The following PSORS1C1 variants were observed in gnomAD, a reference collection of about 807,000 sequenced individuals.
PSORS1C1 encodes the protein psoriasis susceptibility 1 candidate 1.
PSORS1C1 carries 7 observed loss-of-function variants against 9.4 expected under a neutral mutation model. The ratio of observed to expected loss-of-function variants is 0.75; its 90% confidence interval spans 0.42 to 1.40. The LOEUF (loss-of-function observed/expected upper bound fraction) is 1.40, where lower values mean the gene tolerates loss of function less well. Ranked by LOEUF, PSORS1C1 falls within the 40% of genes most tolerant of loss-of-function variation. PSORS1C1 has a pLI of 0.01. For missense variants in PSORS1C1, 146 were observed against 178.1 expected (o/e 0.82, Z 1.02); for synonymous variants, 63 against 69.4 (o/e 0.91, Z 0.46).
chr6:31,122,605 G>A (rs988393322), intron 1 of PSORS1C1, among the ~76,000 whole-genome samples: 26 of 143,894 alleles, frequency 1.8e-4, no homozygotes, highest in Admixed American at 1.7e-3. Flanking sequence ...GCGAAACCCC[G>A]TCTCTACCAA....
At chr6:31,138,190 G>A in intron 3 of PSORS1C1, 3 of 1,578,386 alleles carry the variant, frequency 1.9e-6, no homozygotes, top group South Asian at 2.4e-5. Context: ...AAGAGAGGGG[G>A]TGCCCCTGGC....
chr6:31,126,848 C>T (rs1342693061), intron 2 of PSORS1C1, among the ~76,000 whole-genome samples: 2 of 141,326 alleles, frequency 1.4e-5, no homozygotes, highest in South Asian at 2.4e-4. Context: ...GTAGGGCAGT[C>T]GCTCCCTGGC....
intron 1 of PSORS1C1, chr6:31,116,352 G>C (rs927377928): frequency 6.2e-7 from 1 of 1,612,096 alleles, no homozygotes; most frequent in Non-Finnish European, 8.5e-7. Context: ...GGGAGCAGGG[G>C]CTCTGGGAAG....
At chr6:31,116,839 T>C (rs757742476) in intron 1 of PSORS1C1, 1 of 1,614,046 alleles carries the variant, frequency 6.2e-7, no homozygotes, top group Non-Finnish European at 8.5e-7. Flanking sequence ...AGAACCGTGC[T>C]GGTCCACCAC....
At chr6:31,121,174 G>T (rs1301885357) in intron 1 of PSORS1C1, among the ~76,000 whole-genome samples, 2 of 54,942 alleles carry the variant, frequency 3.6e-5, no homozygotes, top group Non-Finnish European at 6.5e-5. Context: ...TGGCGGGGGT[G>T]GGGGGGTGCT....
Position 31,139,852 on chromosome 6 carries a change from G to A in PSORS1C1, c.379G>A (p.Ala127Thr), listed in dbSNP as rs1419817490. ...TCCTCCCTCAGGAATCCACCTATCC[G>A]CCTCTAGGACCTTGGCTCCAACTCT... is the stretch of plus-strand genomic sequence containing the variant. ...LPPPSGIHLSASRTLAPTLLY... is the reference protein window; with the variant it reads ...LPPPSGIHLSTSRTLAPTLLY... Residue 127 changes from alanine (A) to threonine (T), a missense_variant, in exon 6 of 6, where the codon GCC becomes ACC. Transcript: ENST00000259881. This position sits in a 1 kb window ranked among gnomAD's most constrained non-coding sequence, Gnocchi z 5.2. The A allele has an allele frequency of 5.6e-6, 9 of 1,612,798 alleles. No individual in the cohort carries two copies. Among genetic ancestry groups the A allele is most frequent in the Admixed American group, 3.3e-5 (2 of 59,986 alleles).
intron 1 of PSORS1C1, among the ~76,000 whole-genome samples, chr6:31,123,380 G>A (rs1038014192): frequency 1.3e-5 from 2 of 152,240 alleles, no homozygotes; most frequent in Non-Finnish European, 1.5e-5. Context: ...CTCAGTGCAG[G>A]TGGTGGAGAC....
Position 31,139,751 on chromosome 6 carries a change from AC to A in PSORS1C1, c.281del (p.Pro94GlnfsTer58). 1 of 1,612,980 alleles carries A rather than the reference AC, an allele frequency of 6.2e-7. No individual in the cohort carries two copies. The highest frequency in any genetic ancestry group is 8.5e-7 in the Non-Finnish European group (1 of 1,179,998). ...GAGGATATCCTGGTTCCCTCTTCCC[AC>A]CCAGAGCTGTTTGCATCAGTCCTGC... ...TQEDILVPSS[H>X]PELFASVLPM... On this transcript the variant is annotated frameshift_variant, in exon 6 of 6. Coordinates refer to ENST00000259881, the MANE Select transcript of PSORS1C1 (RefSeq NM_014068.3). LOFTEE classifies it low-confidence loss of function (END_TRUNC). The surrounding 1 kb of genome is among the most constrained non-coding windows in gnomAD (Gnocchi z 5.2).
At chr6:31,124,867 C>T (rs1167733254) in intron 1 of PSORS1C1, among the ~76,000 whole-genome samples, 1 of 152,162 alleles carries the variant, frequency 6.6e-6, no homozygotes, top group Non-Finnish European at 1.5e-5. Flanking sequence ...ACTCAGGAGG[C>T]TGAGGCAGGA....
chr6:31,120,651 C>G (rs1772409602), intron 1 of PSORS1C1, among the ~76,000 whole-genome samples: 1 of 152,108 alleles, frequency 6.6e-6, no homozygotes, highest in Admixed American at 6.5e-5. Flanking sequence ...GGCCACGGGG[C>G]TCTAACGATC....
chr6:31,138,121 C>A, intron 3 of PSORS1C1: 1 of 1,605,094 alleles, frequency 6.2e-7, no homozygotes, highest in Non-Finnish European at 8.5e-7. Flanking sequence ...GGGAGCCAGA[C>A]TCCAGTTTCA....
chr6:31,117,086 G>T (rs1772183825), intron 1 of PSORS1C1: 1 of 1,614,212 alleles, frequency 6.2e-7, no homozygotes, highest in South Asian at 1.1e-5. Flanking sequence ...TCATTGGTTG[G>T]CAGAGCAGAG....
intron 1 of PSORS1C1, chr6:31,120,259 C>T (rs1033617864): frequency 3.0e-5 from 35 of 1,156,330 alleles, no homozygotes; most frequent in Non-Finnish European, 4.2e-5. Context: ...GAGCCCCTGC[C>T]TGTCCCCTTC....
intron 4 of PSORS1C1, 91 bp downstream of exon 4, chr6:31,138,550 A>C: frequency 6.2e-7 from 1 of 1,607,358 alleles, no homozygotes; most frequent in Admixed American, 1.7e-5. Context: ...CTTTAAACTG[A>C]CCAGACTTCT....
intron 3 of PSORS1C1, among the ~76,000 whole-genome samples, chr6:31,132,733 C>T (rs1315092938): frequency 6.6e-6 from 1 of 151,942 alleles, no homozygotes; most frequent in Non-Finnish European, 1.5e-5. Flanking sequence ...TCTATAGTAC[C>T]AGCTACTCAG....
intron 1 of PSORS1C1, among the ~76,000 whole-genome samples, chr6:31,123,228 C>T (rs1772541028): frequency 6.6e-6 from 1 of 152,338 alleles, no homozygotes; most frequent in Non-Finnish European, 1.5e-5. Flanking sequence ...CCACCCCATC[C>T]TGCCACCCTG....
chr6:31,130,417 G>GT (rs9278987), intron 3 of PSORS1C1, among the ~76,000 whole-genome samples: 50 of 146,936 alleles, frequency 3.4e-4, no homozygotes, highest in South Asian at 4.3e-4. Context: ...CTAATTGTTT[G>GT]TTTTTTTTTT....
intron 1 of PSORS1C1, chr6:31,116,964 G>C: frequency 1.2e-6 from 2 of 1,614,226 alleles, no homozygotes; most frequent in Non-Finnish European, 1.7e-6. Context: ...CCGAACTACA[G>C]GGACGCTGGT....
chr6:31,120,449 C>A, intron 1 of PSORS1C1: 2 of 1,539,550 alleles, frequency 1.3e-6, no homozygotes, highest in South Asian at 2.4e-5. Context: ...TGACTGATGG[C>A]AGCTCAAGGA....
Sources: gnomAD v4.1 joint callset for allele counts (sites outside exome capture counted in the v4.1 genomes callset) on GRCh38, gnomAD v4.1.1 for gene constraint, Gnocchi (gnomAD v3.1) non-coding constraint, MANE v1.5 for transcripts, NCBI Gene and HGNC (gene_info 2026-07-23, HGNC 2026-07-21) for gene names.